HAPLN1: variants seen among roughly 807,000 people sequenced by gnomAD.
The protein encoded by HAPLN1 is hyaluronan and proteoglycan link protein 1.
In HAPLN1, 13 loss-of-function variants were observed where a neutral mutation model predicts 36.5. The observed-to-expected ratio is 0.36, with a 90% CI of 0.23 to 0.57. The LOEUF is 0.57. Among genes scored for constraint, HAPLN1 ranks in the 20% least tolerant of loss-of-function variants. HAPLN1 has a pLI of 0.83. For synonymous variants in HAPLN1, 202 were observed against 169.8 expected (o/e 1.19, Z -1.48); for missense variants, 407 against 439.7 (o/e 0.93, Z 0.66).
chr5:83,701,792 A>G (rs1751512941), intron 1 of HAPLN1, among the ~76,000 whole-genome samples: 1 of 152,006 alleles, frequency 6.6e-6, no homozygotes, highest in African/African-American at 2.4e-5. Flanking sequence ...ACAAAAAATT[A>G]GCCAGATGCA....
chr5:83,708,500 G>A (rs1751702400), intron 1 of HAPLN1, among the ~76,000 whole-genome samples: 1 of 152,128 alleles, frequency 6.6e-6, no homozygotes, highest in Non-Finnish European at 1.5e-5. Flanking sequence ...TTATAAGTAG[G>A]AGCTAAATGA....
intron 1 of HAPLN1, among the ~76,000 whole-genome samples, chr5:83,708,055 G>GA (rs1751691134): frequency 6.6e-6 from 1 of 152,182 alleles, no homozygotes; most frequent in African/African-American, 2.4e-5. Context: ...TAAGAAGTCA[G>GA]AAAATAACAG....
chr5:83,652,648 C>G lies in HAPLN1; in HGVS notation c.277G>C (p.Asp93His), dbSNP rs1203322084. Residue 93 changes from aspartate to histidine, a missense_variant, in exon 3 of 5, where the codon GAT becomes CAT. By Grantham distance (81) the Asp-to-His change is moderately conservative. Transcript: ENST00000274341. Reference sequence around the variant, plus strand: ...TGGTATCCCATGGAAACAAAAACATCCACTTCCTTGAGGTAATCCGAAGTT... The same window carrying G: ...TGGTATCCCATGGAAACAAAAACATGCACTTCCTTGAGGTAATCCGAAGTT... ...KLTSDYLKEV[D>H]VFVSMGYHKK... 1.2e-6 allele frequency: 2 copies of G among 1,614,096 alleles called. No individual in the cohort carries two copies. Among genetic ancestry groups the G allele is most frequent in the African/African-American group, 2.7e-5 (2 of 75,020 alleles).
At chr5:83,653,320 T>C (rs1750127743) in intron 2 of HAPLN1, among the ~76,000 whole-genome samples, 1 of 152,186 alleles carries the variant, frequency 6.6e-6, no homozygotes, top group South Asian at 2.1e-4. Flanking sequence ...TGATTCACTT[T>C]CATTGTACAG....
intron 2 of HAPLN1, among the ~76,000 whole-genome samples, chr5:83,655,667 G>A (rs1561304010): frequency 6.6e-6 from 1 of 152,018 alleles, no homozygotes. Flanking sequence ...ATGGCCTTGA[G>A]AATAATGTTT....
intron 1 of HAPLN1, among the ~76,000 whole-genome samples, chr5:83,691,779 T>C (rs1480603547): frequency 6.6e-6 from 1 of 151,638 alleles, no homozygotes; most frequent in East Asian, 1.9e-4. Flanking sequence ...AAGAGAAAAC[T>C]TAGTCAATGG....
In HAPLN1 at chr5:83,652,619, T is replaced by C. The variant is rs745544286; in HGVS notation, c.306A>G (p.Lys102=). 2 of 1,614,086 alleles carry C rather than the reference T, an allele frequency of 1.2e-6. No individual in the cohort carries two copies. Among genetic ancestry groups the C allele is most frequent in the Non-Finnish European group, 1.7e-6 (2 of 1,180,030 alleles). ...VDVFVSMGYH[K]KTYGGYQGRV... Reference sequence around the variant, plus strand: ...TACCCTGGTAGCCTCCATAGGTTTTTTTGTGGTATCCCATGGAAACAAAAA... The same window carrying C: ...TACCCTGGTAGCCTCCATAGGTTTTCTTGTGGTATCCCATGGAAACAAAAA... The change falls in exon 3 of 5, where the codon AAA becomes AAG. Residue 102 remains lysine, a synonymous_variant. Coordinates refer to ENST00000274341, the MANE Select transcript of HAPLN1 (RefSeq NM_001884.4).
intron 1 of HAPLN1, among the ~76,000 whole-genome samples, chr5:83,697,674 ACT>A (rs1751423477): frequency 6.6e-6 from 1 of 151,542 alleles, no homozygotes; most frequent in African/African-American, 2.4e-5. Flanking sequence ...CAATTTCTCC[ACT>A]CTCCACATCC....
At chr5:83,651,004 T>C (rs1389163769) in intron 3 of HAPLN1, among the ~76,000 whole-genome samples, 1 of 152,220 alleles carries the variant, frequency 6.6e-6, no homozygotes, top group Non-Finnish European at 1.5e-5. Flanking sequence ...GACCTTATTT[T>C]ATTGTATTTA....
chr5:83,690,272 T>C (rs2112619195), intron 1 of HAPLN1, among the ~76,000 whole-genome samples: 1 of 152,228 alleles, frequency 6.6e-6, no homozygotes, highest in South Asian at 2.1e-4. Flanking sequence ...TTCAGAAAGA[T>C]TGTTTTATAA....
intron 3 of HAPLN1, among the ~76,000 whole-genome samples, chr5:83,648,475 G>T (rs539451608): frequency 4.5e-5 from 6 of 132,880 alleles, no homozygotes; most frequent in African/African-American, 1.4e-4. Flanking sequence ...TATGTAGTTT[G>T]GATATATATA....
intron 1 of HAPLN1, among the ~76,000 whole-genome samples, chr5:83,709,399 A>G (rs923649258): frequency 6.6e-6 from 1 of 152,112 alleles, no homozygotes; most frequent in Non-Finnish European, 1.5e-5. Context: ...CTATTGGTCT[A>G]TTTCTATTTT....
At chr5:83,712,047 A>T (rs1006309893) in intron 1 of HAPLN1, among the ~76,000 whole-genome samples, 2 of 152,182 alleles carry the variant, frequency 1.3e-5, no homozygotes, top group Admixed American at 6.5e-5. Context: ...TACATACTTG[A>T]AGTTACTTTC....
At chr5:83,692,774 A>T (rs1751309157) in intron 1 of HAPLN1, among the ~76,000 whole-genome samples, 1 of 151,888 alleles carries the variant, frequency 6.6e-6, no homozygotes, top group Non-Finnish European at 1.5e-5. Context: ...TTAAGGTAAA[A>T]ATGATATGAA....
At chr5:83,700,055 A>T (rs1317035580) in intron 1 of HAPLN1, among the ~76,000 whole-genome samples, 1 of 152,102 alleles carries the variant, frequency 6.6e-6, no homozygotes, top group Non-Finnish European at 1.5e-5. Context: ...TTAGCTGGGC[A>T]TGGTGGCTCA....
At chr5:83,696,409 T>C (rs1453805579) in intron 1 of HAPLN1, among the ~76,000 whole-genome samples, 2 of 152,098 alleles carry the variant, frequency 1.3e-5, no homozygotes, top group African/African-American at 4.8e-5. Flanking sequence ...AATTTTAACA[T>C]TCATATGTAA....
intron 1 of HAPLN1, among the ~76,000 whole-genome samples, chr5:83,685,121 G>A (rs1751089267): frequency 6.6e-6 from 1 of 152,034 alleles, no homozygotes; most frequent in African/African-American, 2.4e-5. Context: ...TTCATAATTG[G>A]TTATATCAAA....
intron 1 of HAPLN1, among the ~76,000 whole-genome samples, chr5:83,719,343 G>T (rs1248802215): frequency 6.6e-6 from 1 of 152,144 alleles, no homozygotes; most frequent in East Asian, 1.9e-4. Context: ...TGAGGTTGTT[G>T]GTTATCTCTT....
At chr5:83,662,737 T>G (rs1194729177) in intron 2 of HAPLN1, among the ~76,000 whole-genome samples, 1 of 152,188 alleles carries the variant, frequency 6.6e-6, no homozygotes, top group East Asian at 1.9e-4. Context: ...AAATGTGCCT[T>G]GATGTGGTAA....
Sources: allele counts gnomAD v4.1 joint callset (sites outside exome capture counted in the v4.1 genomes callset), GRCh38; gene constraint gnomAD v4.1.1; transcripts MANE v1.5; gene names NCBI Gene and HGNC (gene_info 2026-07-23, HGNC 2026-07-21).